The following EPHA6 variants were observed in gnomAD, a reference collection of about 807,000 sequenced individuals.
EPHA6 encodes the protein ephrin type-A receptor 6.
In EPHA6, 50 loss-of-function variants were observed where a neutral mutation model predicts 112.0. The observed-to-expected ratio is 0.45, with a 90% CI of 0.36 to 0.56. EPHA6 has a LOEUF of 0.56. Among genes scored for constraint, EPHA6 ranks in the 20% least tolerant of loss-of-function variants. The pLI is 0.00. For synonymous variants in EPHA6, 529 were observed against 490.7 expected (o/e 1.08, Z -1.03); for missense variants, 1,280 against 1,417.4 (o/e 0.90, Z 1.56).
In EPHA6 at chr3:96,943,357, A is replaced by G. The variant is rs549462539; in HGVS notation, c.451-43973A>G. 2.2e-4 allele frequency among the ~76,000 whole-genome samples: 33 copies of G among 152,350 alleles called. No homozygotes were observed. The East Asian group carries it at 6.4e-3, about 29-fold the overall frequency. On this transcript the variant is annotated intron_variant, in intron 2 of 17. Coordinates refer to ENST00000389672, the MANE Select transcript of EPHA6 (RefSeq NM_001080448.3). ...AAATACTCTGATTTGATTATTATAC[A>G]GTGTATACATATATCAAAACATTAT...
chr3:97,617,691 T>C (rs553703813), intron 13 of EPHA6, among the ~76,000 whole-genome samples: 1 of 152,240 alleles, frequency 6.6e-6, no homozygotes, highest in South Asian at 2.1e-4. Context: ...AAGAAAGGTA[T>C]TACATAATGG....
chr3:97,261,098 C>T (rs967594009), intron 5 of EPHA6, among the ~76,000 whole-genome samples: 11 of 152,218 alleles, frequency 7.2e-5, no homozygotes, highest in Non-Finnish European at 1.6e-4. Flanking sequence ...TTTACCTAAA[C>T]AGGATACCCA....
At chr3:96,985,413 AT>A (rs959004516) in intron 2 of EPHA6, among the ~76,000 whole-genome samples, 14 of 152,070 alleles carry the variant, frequency 9.2e-5, no homozygotes, top group Admixed American at 9.2e-4. Flanking sequence ...ATTATATCAT[AT>A]TTTTTACTAT....
chr3:97,448,631 C>A lies in EPHA6; in HGVS notation c.1795C>A (p.Leu599Ile). ...AGCCCCCAGTGTCATCATCACAGGTCTTAAGCCAGCCACCAAATATGTATT... is the reference window on the plus strand; with the variant it reads ...AGCCCCCAGTGTCATCATCACAGGTATTAAGCCAGCCACCAAATATGTATT... ...SKAPSVIITG[L>I]KPATKYVFHI... Residue 599 changes from leucine (L) to isoleucine (I), a missense_variant, in exon 7 of 18, where the codon CTT (leucine) becomes ATT (isoleucine). By Grantham distance (5) the Leu-to-Ile change is conservative. Transcript: ENST00000389672. 1.2e-6 allele frequency: 2 copies of A among 1,613,562 alleles called. No individual in the cohort carries two copies. The highest frequency in any genetic ancestry group is 1.7e-6 in the Non-Finnish European group (2 of 1,179,592).
intron 5 of EPHA6, among the ~76,000 whole-genome samples, chr3:97,257,576 A>C (rs2079358312): frequency 6.6e-6 from 1 of 152,012 alleles, no homozygotes; most frequent in Admixed American, 6.6e-5. Context: ...TTTGGTAAAA[A>C]TCTTCATATC....
chr3:96,937,872 C>A (rs913793199), intron 2 of EPHA6, among the ~76,000 whole-genome samples: 9 of 152,282 alleles, frequency 5.9e-5, no homozygotes, highest in African/African-American at 2.2e-4. Flanking sequence ...GGAATCCTTT[C>A]CCCATTGCTT....
chr3:97,320,027 C>T lies in EPHA6; in HGVS notation c.1606+75740C>T, dbSNP rs76209600. On this transcript the variant is annotated intron_variant, in intron 5 of 17. Transcript: ENST00000389672. ...AAAATCAAGAATTAAAGACCTGCTTCGTTCTCTCCTCACCCTCTTTCTTTA... is the reference window on the plus strand; with the variant it reads ...AAAATCAAGAATTAAAGACCTGCTTTGTTCTCTCCTCACCCTCTTTCTTTA... 7.9e-5 allele frequency among the ~76,000 whole-genome samples: 12 copies of T among 152,114 alleles called. No homozygotes were observed. In the South Asian group the frequency reaches 1.2e-3, roughly 16 times the overall value.
At chr3:97,409,167 T>C (rs1201266858) in intron 6 of EPHA6, among the ~76,000 whole-genome samples, 2 of 152,078 alleles carry the variant, frequency 1.3e-5, no homozygotes, top group African/African-American at 4.8e-5. Context: ...TACCTGTTCA[T>C]AAGAAAGACC....
chr3:97,243,218 C>T (rs1049947625), intron 4 of EPHA6, among the ~76,000 whole-genome samples: 8 of 151,764 alleles, frequency 5.3e-5, no homozygotes, highest in Admixed American at 4.6e-4. Flanking sequence ...TTTAGGCCCA[C>T]GCTTAGTTTA....
intron 5 of EPHA6, among the ~76,000 whole-genome samples, chr3:97,400,164 A>T (rs1183768844): frequency 1.3e-5 from 2 of 151,550 alleles, no homozygotes; most frequent in Non-Finnish European, 3.0e-5. Flanking sequence ...ATGTGGACGT[A>T]CAGTTTTCCC....
chr3:97,198,223 T>C (rs1329775164), intron 3 of EPHA6, among the ~76,000 whole-genome samples: 2 of 152,148 alleles, frequency 1.3e-5, no homozygotes, highest in East Asian at 3.9e-4. Flanking sequence ...ACAATCACTA[T>C]AGGGTTCTAT....
chr3:96,902,657 C>T (rs2038681265), intron 2 of EPHA6, among the ~76,000 whole-genome samples: 1 of 152,086 alleles, frequency 6.6e-6, no homozygotes, highest in Non-Finnish European at 1.5e-5. Flanking sequence ...GAGTCAGAGC[C>T]AGTGAGCACT....
chr3:97,626,442 T>C (rs2093857372), intron 13 of EPHA6, among the ~76,000 whole-genome samples: 1 of 151,738 alleles, frequency 6.6e-6, no homozygotes, highest in Admixed American at 6.6e-5. Context: ...ATAGAAACTA[T>C]GGTTTGTAGA....
rs938336925 is a variant in EPHA6, at chr3:97,247,178, G to A, written c.1606+2891G>A. The stretch of plus-strand genomic sequence containing the variant: ...CAAAAACTATCTGATAACACGTTAC[G>A]ATTTCACTGGACTGAGAGGACAAGA... On this transcript the variant is annotated intron_variant, in intron 5 of 17. Transcript: ENST00000389672. Among the ~76,000 whole-genome samples, 11 of 151,912 alleles carry A rather than the reference G, an allele frequency of 7.2e-5. No individual in the cohort carries two copies. In the East Asian group the frequency reaches 1.5e-3, roughly 21 times the overall value.
intron 3 of EPHA6, among the ~76,000 whole-genome samples, chr3:97,189,787 A>G (rs2077251664): frequency 3.3e-5 from 5 of 152,162 alleles, no homozygotes. Flanking sequence ...GACTTAGTTC[A>G]GAAACTGTAT....
At chr3:97,045,091 G>T in intron 3 of EPHA6, among the ~76,000 whole-genome samples, 1 of 151,954 alleles carries the variant, frequency 6.6e-6, no homozygotes, top group East Asian at 1.9e-4. Flanking sequence ...TTTGAACTTA[G>T]TCTGTAGTTA....
intron 3 of EPHA6, among the ~76,000 whole-genome samples, chr3:97,177,644 C>A (rs1439300452): frequency 6.6e-6 from 1 of 151,750 alleles, no homozygotes; most frequent in Non-Finnish European, 1.5e-5. Flanking sequence ...GTGTTTGGTT[C>A]ATATATATTT....
intron 3 of EPHA6, among the ~76,000 whole-genome samples, chr3:97,139,496 G>A (rs1281342284): frequency 6.6e-6 from 1 of 152,082 alleles, no homozygotes; most frequent in Non-Finnish European, 1.5e-5. Flanking sequence ...CAGAAAATGA[G>A]CCTGCACACA....
At chr3:97,323,598 C>A (rs1363963299) in intron 5 of EPHA6, among the ~76,000 whole-genome samples, 1 of 150,860 alleles carries the variant, frequency 6.6e-6, no homozygotes, top group Non-Finnish European at 1.5e-5. Context: ...TATTTAAAGT[C>A]TTTTGTACTC....
Sources: allele counts gnomAD v4.1 joint callset (sites outside exome capture counted in the v4.1 genomes callset), GRCh38; gene constraint gnomAD v4.1.1; transcripts MANE v1.5; gene names NCBI Gene and HGNC (gene_info 2026-07-23, HGNC 2026-07-21).